Variants in CDH8 observed in about 807,000 individuals in gnomAD.
The protein encoded by CDH8 is cadherin-8.
CDH8 carries 17 observed loss-of-function variants against 68.1 expected under a neutral mutation model. That is an observed-to-expected ratio of 0.25 (90% CI 0.17 to 0.37). The LOEUF is 0.37. Among genes scored for constraint, CDH8 ranks in the 10% least tolerant of loss-of-function variants. The probability of loss-of-function intolerance (pLI) is 1.00; values close to 1 mark genes in which losing one functional copy is unlikely to be tolerated. For synonymous variants in CDH8, 372 were observed against 365.1 expected, an observed-to-expected ratio of 1.02 and a Z score of -0.21; for missense variants, 763 against 999.3, an observed-to-expected ratio of 0.76 and a Z score of 3.19.
chr16:61,922,193 A>G (rs1964380760), intron 2 of CDH8, among the ~76,000 whole-genome samples: 1 of 152,236 alleles, frequency 6.6e-6, no homozygotes, highest in Non-Finnish European at 1.5e-5. Context: ...TAGGACAGAA[A>G]GAATCCAGGC....
In CDH8 at chr16:61,869,389, T is replaced by G. The variant is rs1963315967; in HGVS notation, c.548-12151A>C. Among the ~76,000 whole-genome samples the G allele has an allele frequency of 2.0e-5, 3 of 152,038 alleles. No homozygotes were observed. In the South Asian group the frequency reaches 6.2e-4, roughly 32 times the overall value. On this transcript the variant is annotated intron_variant, in intron 3 of 11. Transcript: ENST00000577390. ...CCTGAGACCTGCTACTAGGGAAAGGTGGAGGGCAGGTTGGAGGTATGTAAA... is the reference window on the plus strand; with the variant it reads ...CCTGAGACCTGCTACTAGGGAAAGGGGGAGGGCAGGTTGGAGGTATGTAAA...
chr16:61,885,235 G>C (rs972058494), intron 3 of CDH8, among the ~76,000 whole-genome samples: 2 of 152,132 alleles, frequency 1.3e-5, no homozygotes, highest in Admixed American at 1.3e-4. Context: ...AGTTTTGTGG[G>C]GATGGTGCTA....
chr16:61,994,909 T>C (rs1965784448), intron 2 of CDH8, among the ~76,000 whole-genome samples: 1 of 152,234 alleles, frequency 6.6e-6, no homozygotes, highest in South Asian at 2.1e-4. Context: ...TCACCACTGC[T>C]GTTCATGTTT....
chr16:61,720,045 C>T (rs890632847), intron 9 of CDH8, among the ~76,000 whole-genome samples: 6 of 150,318 alleles, frequency 4.0e-5, no homozygotes, highest in Non-Finnish European at 6.0e-5. Flanking sequence ...CATATATTGG[C>T]ATGCTACCGC....
At chr16:61,984,253 G>T (rs1965590526) in intron 2 of CDH8, among the ~76,000 whole-genome samples, 1 of 152,050 alleles carries the variant, frequency 6.6e-6, no homozygotes, top group East Asian at 1.9e-4. Flanking sequence ...CTATCATGGG[G>T]GCTCCACCCT....
At chr16:61,669,145 C>T (rs889929047) in intron 10 of CDH8, among the ~76,000 whole-genome samples, 48 of 152,036 alleles carry the variant, frequency 3.2e-4, no homozygotes, top group Non-Finnish European at 1.5e-4. Context: ...GAAGATTTTG[C>T]ATTCACACAT....
At chr16:61,752,550 C>T (rs1319360454) in intron 8 of CDH8, among the ~76,000 whole-genome samples, 1 of 152,108 alleles carries the variant, frequency 6.6e-6, no homozygotes, top group African/African-American at 2.4e-5. Context: ...TCTTTAGAAA[C>T]CACTCCTGAT....
At chr16:61,952,299 C>T (rs1964910622) in intron 2 of CDH8, among the ~76,000 whole-genome samples, 1 of 152,136 alleles carries the variant, frequency 6.6e-6, no homozygotes, top group Non-Finnish European at 1.5e-5. Context: ...TTTGAGCTCC[C>T]TTACTGTGCT....
chr16:61,744,624 G>A (rs1959966415), intron 8 of CDH8, among the ~76,000 whole-genome samples: 1 of 151,018 alleles, frequency 6.6e-6, no homozygotes, highest in East Asian at 1.9e-4. Context: ...TTATTTCTTA[G>A]TTTTCCCCTT....
chr16:61,756,051 G>C (rs570013766), intron 8 of CDH8, among the ~76,000 whole-genome samples: 60 of 152,048 alleles, frequency 3.9e-4, no homozygotes, highest in Admixed American at 3.5e-3. Context: ...AAACTCCCGG[G>C]CTCAAGTGAT....
intron 1 of CDH8, among the ~76,000 whole-genome samples, chr16:62,026,787 T>A (rs1173569656): frequency 1.3e-5 from 2 of 152,224 alleles, no homozygotes; most frequent in African/African-American, 4.8e-5. Flanking sequence ...GACTCTGCTG[T>A]GACACTTGGA....
intron 4 of CDH8, among the ~76,000 whole-genome samples, chr16:61,853,290 A>G (rs988586005): frequency 6.6e-6 from 1 of 152,100 alleles, no homozygotes; most frequent in South Asian, 2.1e-4. Flanking sequence ...CAAATTCCAG[A>G]GTTCTGTTTT....
chr16:62,028,003 CT>C (rs1902234944), intron 1 of CDH8, among the ~76,000 whole-genome samples: 1 of 151,726 alleles, frequency 6.6e-6, no homozygotes, highest in Admixed American at 6.6e-5. Flanking sequence ...AGATGTCAAT[CT>C]GTCCAAAAGC....
chr16:61,957,981 T>C (rs1284153778), intron 2 of CDH8, among the ~76,000 whole-genome samples: 1 of 152,168 alleles, frequency 6.6e-6, no homozygotes, highest in East Asian at 1.9e-4. Flanking sequence ...TCTACTTGGG[T>C]AATTGATAGT....
intron 2 of CDH8, among the ~76,000 whole-genome samples, chr16:61,981,648 A>ATGTGTG (rs750036103): frequency 0.018 from 2,701 of 146,804 alleles, 29 homozygotes; most frequent in South Asian, 0.043. Context: ...CTTGAAAAGA[A>ATGTGTG]TGTGTGTGTG....
intron 2 of CDH8, among the ~76,000 whole-genome samples, chr16:61,954,843 C>T (rs1964959871): frequency 6.6e-6 from 1 of 152,194 alleles, no homozygotes; most frequent in Non-Finnish European, 1.5e-5. Flanking sequence ...AAGTCCCAAT[C>T]TTTAACTGTG....
intron 2 of CDH8, among the ~76,000 whole-genome samples, chr16:62,018,813 CT>C (rs1902003696): frequency 1.3e-5 from 2 of 152,174 alleles, no homozygotes. Context: ...CTAAGGTTCA[CT>C]GGCAACATTT....
At position 61,824,964 on chromosome 16, in the gene CDH8, TG is replaced by T. The variant is rs1276577510; in HGVS notation, c.835+47del. On this transcript the variant is annotated intron_variant, in intron 5 of 11. Coordinates refer to ENST00000577390, the MANE Select transcript of CDH8 (RefSeq NM_001796.5). ...CTAAAAATTATAATATAAATTCAAA[TG>T]GAAACATCATACCAAGATTCTCATC... 2.1e-6 allele frequency: 3 copies of T among 1,462,420 alleles called. No homozygotes were observed. In the African/African-American group the frequency reaches 4.3e-5, roughly 21 times the overall value. 90.6% of individuals were successfully genotyped at this position (1,462,420 alleles called of 1,614,324 possible).
chr16:61,695,241 G>A (rs956822531), intron 10 of CDH8, among the ~76,000 whole-genome samples: 2 of 152,038 alleles, frequency 1.3e-5, no homozygotes, highest in African/African-American at 4.8e-5. Flanking sequence ...TCTCCTTATA[G>A]GCTCTGCTAT....
Sources: gnomAD v4.1 joint callset for allele counts (sites outside exome capture counted in the v4.1 genomes callset) on GRCh38, gnomAD v4.1.1 for gene constraint, MANE v1.5 for transcripts, NCBI Gene and HGNC (gene_info 2026-07-23, HGNC 2026-07-21) for gene names.